WNT6: variants seen among roughly 807,000 people sequenced by gnomAD.
WNT6 encodes Wnt family member 6.
A neutral mutation model predicts 33.1 loss-of-function variants in WNT6; 27 were observed. The observed-to-expected ratio is 0.82, with a 90% CI of 0.60 to 1.12. WNT6 has a LOEUF of 1.12. Among genes scored for constraint, WNT6 ranks in the 50% most tolerant of loss-of-function variants. WNT6 has a pLI of 0.00. For missense variants in WNT6, 494 were observed against 535.3 expected (o/e 0.92, Z 0.76); for synonymous variants, 249 against 242.8 (o/e 1.03, Z -0.24).
Position 218,873,440 on chromosome 2 carries a change from C to T in WNT6, c.693C>T (p.Cys231=). The change falls in exon 4 of 4, where the codon TGC becomes TGT. Residue 231 remains cysteine, a synonymous_variant. Transcript: ENST00000233948. The surrounding 1 kb of genome is among the most constrained non-coding windows in gnomAD (Gnocchi z 6.1). The part of the protein sequence containing the change: ...ECKCHGLSGS[C]ALRTCWQKLP... ...AATGCCACGGGCTGTCGGGATCATGCGCGCTGCGCACCTGCTGGCAGAAGC... is the reference window on the plus strand; with the variant it reads ...AATGCCACGGGCTGTCGGGATCATGTGCGCTGCGCACCTGCTGGCAGAAGC... The T allele has an allele frequency of 6.5e-7, 1 of 1,538,258 alleles. No individual in the cohort carries two copies. Among genetic ancestry groups the T allele is most frequent in the Non-Finnish European group, 8.7e-7 (1 of 1,146,652 alleles).
chr2:218,863,167 G>T (rs1944323978), intron 1 of WNT6, among the ~76,000 whole-genome samples: 1 of 152,114 alleles, frequency 6.6e-6, no homozygotes, highest in Non-Finnish European at 1.5e-5. Flanking sequence ...CTGGCCTGAG[G>T]CTCTTCCAGT....
intron 1 of WNT6, 114 bp downstream of exon 1, chr2:218,860,231 C>A: frequency 9.6e-7 from 1 of 1,038,446 alleles, no homozygotes; most frequent in Non-Finnish European, 1.3e-6. Flanking sequence ...CCGAGCCCAG[C>A]TTTCTGGCCT....
chr2:218,871,006 C>T lies in WNT6; in HGVS notation c.81-21C>T, dbSNP rs752619593. The T allele has an allele frequency of 5.4e-5, 85 of 1,581,980 alleles. 1 individual carries two copies. In the South Asian group the frequency reaches 6.0e-4, roughly 11 times the overall value. On this transcript the variant is annotated intron_variant, in intron 1 of 3. Coordinates refer to ENST00000233948, the MANE Select transcript of WNT6 (RefSeq NM_006522.4). The surrounding 1 kb of genome is among the most constrained non-coding windows in gnomAD (Gnocchi z 6.4). ...CCCTTTTTTGGGTTACACCCCTGAC[C>T]TGCTATTCTCTGCTTTCCAGGGCTG...
At chr2:218,869,767 C>G (rs1944384991) in intron 1 of WNT6, among the ~76,000 whole-genome samples, 1 of 152,222 alleles carries the variant, frequency 6.6e-6, no homozygotes, top group South Asian at 2.1e-4. Context: ...TGTCAGCTCT[C>G]TCCTTGGGCA....
At chr2:218,866,979 G>T (rs979611421) in intron 1 of WNT6, among the ~76,000 whole-genome samples, 6 of 152,174 alleles carry the variant, frequency 3.9e-5, no homozygotes, top group Non-Finnish European at 8.8e-5. Flanking sequence ...TGGGGACTGG[G>T]GCCCAGGGAG....
chr2:218,871,447 C>T lies in WNT6; in HGVS notation c.302-38C>T, dbSNP rs767406775. The T allele has an allele frequency of 4.4e-6, 7 of 1,588,316 alleles. No individual in the cohort carries two copies. The highest frequency in any genetic ancestry group is 2.2e-5 in the East Asian group (1 of 44,692). On this transcript the variant is annotated intron_variant, in intron 2 of 3. Coordinates refer to ENST00000233948, the MANE Select transcript of WNT6 (RefSeq NM_006522.4). This position sits in a 1 kb window ranked among gnomAD's most constrained non-coding sequence, Gnocchi z 6.4. The stretch of plus-strand genomic sequence containing the variant: ...TCAGGTCCCAGGCCCCAGCTGACCG[C>T]CCCAGCCCGCGCTGATTGCACCTGT...
Position 218,871,865 on chromosome 2 carries a change from T to C in WNT6, c.636+46T>C, listed in dbSNP as rs1197923325. On this transcript the variant is annotated intron_variant, in intron 3 of 3. Transcript: ENST00000233948. The surrounding 1 kb of genome is among the most constrained non-coding windows in gnomAD (Gnocchi z 6.4). ...GTGAGTGTGTGCGGAAATGTGAGTG[T>C]GCGCGCAGGAGTGTGCTTGAGGAAG... 1 of 1,489,678 alleles carries C rather than the reference T, an allele frequency of 6.7e-7. No homozygotes were observed. Among genetic ancestry groups the C allele is most frequent in the South Asian group, 1.3e-5 (1 of 79,160 alleles). 92.3% of individuals were successfully genotyped at this position (1,489,678 alleles called of 1,614,324 possible). A position where few individuals can be genotyped will look rare whatever the true frequency, so the allele number is the denominator to read the frequency against.
Position 218,860,049 on chromosome 2 carries a change from C to T in WNT6, c.12C>T (p.Pro4=). 1 of 1,516,654 alleles carries T rather than the reference C, an allele frequency of 6.6e-7. No homozygotes were observed. The highest frequency in any genetic ancestry group is 8.8e-7 in the Non-Finnish European group (1 of 1,138,088). The allele number at this position is 1,516,654 out of a possible 1,614,324, so 93.9% of individuals were successfully genotyped here. The part of the protein sequence containing the change: MLP[P]LPSRLGLLLL... ...GTAGGGCGGTCACGATGCTGCCGCC[C>T]TTACCCTCCCGCCTCGGGCTGCTGC... The change falls in exon 1 of 4, where the codon CCC becomes CCT. Residue 4 remains proline (P), a synonymous_variant. Coordinates refer to ENST00000233948, the MANE Select transcript of WNT6 (RefSeq NM_006522.4).
Position 218,860,088 on chromosome 2 carries a change from G to A in WNT6, c.51G>A (p.Leu17=), listed in dbSNP as rs764432807. The A allele has an allele frequency of 4.6e-6, 7 of 1,527,370 alleles. No homozygotes were observed. The highest frequency in any genetic ancestry group is 1.7e-4 in the Middle Eastern group (1 of 5,768). The allele number at this position is 1,527,370 out of a possible 1,614,324, so 94.6% of individuals were successfully genotyped here. The change falls in exon 1 of 4, where the codon CTG becomes CTA. Residue 17 remains leucine, a synonymous_variant. Transcript: ENST00000233948. ...TCGGGCTGCTGCTGCTGCTGCTCCT[G>A]TGCCCGGCGCACGTCGGCGGACTGT... The part of the protein sequence containing the change: ...SRLGLLLLLL[L]CPAHVGGLWW...
chr2:218,869,775 G>A (rs1253150595), intron 1 of WNT6, among the ~76,000 whole-genome samples: 1 of 152,186 alleles, frequency 6.6e-6, no homozygotes, highest in Non-Finnish European at 1.5e-5. Context: ...CTCTCCTTGG[G>A]CAGAACGAAG....
intron 1 of WNT6, among the ~76,000 whole-genome samples, chr2:218,866,775 C>T (rs1306037324): frequency 6.6e-6 from 1 of 152,224 alleles, no homozygotes; most frequent in Non-Finnish European, 1.5e-5. Flanking sequence ...CAGATCCAAA[C>T]TCAAGTCTGG....
chr2:218,866,982 C>T (rs1357276241), intron 1 of WNT6, among the ~76,000 whole-genome samples: 5 of 152,100 alleles, frequency 3.3e-5, no homozygotes, highest in Admixed American at 6.5e-5. Context: ...GGACTGGGGC[C>T]CAGGGAGGCT....
At chr2:218,861,732 C>T (rs1944311601) in intron 1 of WNT6, among the ~76,000 whole-genome samples, 1 of 152,156 alleles carries the variant, frequency 6.6e-6, no homozygotes. Context: ...CCCCTCCCTC[C>T]CCCTCTGTCT....
intron 1 of WNT6, among the ~76,000 whole-genome samples, chr2:218,863,499 C>T (rs1392099599): frequency 2.0e-5 from 3 of 152,184 alleles, no homozygotes; most frequent in African/African-American, 7.2e-5. Flanking sequence ...AGAAGTTTCT[C>T]TCCCACCTTC....
chr2:218,861,210 C>T (rs955002131), intron 1 of WNT6, among the ~76,000 whole-genome samples: 1 of 152,100 alleles, frequency 6.6e-6, no homozygotes, highest in African/African-American at 2.4e-5. Context: ...CAGGGAGTGG[C>T]GGGCAGCAAT....
chr2:218,873,961 C>T lies in WNT6; in HGVS notation c.*116C>T. On this transcript the variant is annotated 3_prime_UTR_variant, in exon 4 of 4. Transcript: ENST00000233948. This position sits in a 1 kb window ranked among gnomAD's most constrained non-coding sequence, Gnocchi z 6.1. ...CGAGCCCAGCCTCTCCCTGCCAAAGCCCAACTCCCAGGGCTCTGGAAATGG... is the reference window on the plus strand; with the variant it reads ...CGAGCCCAGCCTCTCCCTGCCAAAGTCCAACTCCCAGGGCTCTGGAAATGG... 1 of 1,111,272 alleles carries T rather than the reference C, an allele frequency of 9.0e-7. No homozygotes were observed. Among genetic ancestry groups the T allele is most frequent in the South Asian group, 1.8e-5 (1 of 56,302 alleles). The allele number at this position is 1,111,272 out of a possible 1,614,324, so 68.8% of individuals were successfully genotyped here. A position where few individuals can be genotyped will look rare whatever the true frequency, so the allele number is the denominator to read the frequency against.
At position 218,873,775 on chromosome 2, in the gene WNT6, G is replaced by T. The variant is rs1284914451; in HGVS notation, c.1028G>T (p.Arg343Leu). ...CAGCTCGAAGAGAACTGCCTGTGCC[G>T]CTTCCACTGGTGCTGCGTAGTACAG... ...SVQLEENCLC[R>L]FHWCCVVQCH... Residue 343 changes from arginine (R) to leucine (L), a missense_variant, in exon 4 of 4, where the codon CGC becomes CTC. By Grantham distance (102) the Arg-to-Leu change is moderately radical (BLOSUM62 -2). Coordinates refer to ENST00000233948, the MANE Select transcript of WNT6 (RefSeq NM_006522.4). The surrounding 1 kb of genome is among the most constrained non-coding windows in gnomAD (Gnocchi z 6.1). 2 of 1,586,740 alleles carry T rather than the reference G, an allele frequency of 1.3e-6. No individual in the cohort carries two copies. The highest frequency in any genetic ancestry group is 1.1e-5 in the South Asian group (1 of 88,314).
intron 1 of WNT6, among the ~76,000 whole-genome samples, chr2:218,862,754 G>A (rs1402653796): frequency 1.3e-5 from 2 of 151,908 alleles, no homozygotes; most frequent in African/African-American, 2.4e-5. Flanking sequence ...CGCCCAGGCT[G>A]GAGTGCAGTG....
rs1193421676 is a variant in WNT6, at chr2:218,873,407, C to A, written c.660C>A (p.Thr220=). ...GRLAVRSHTR[T]ECKCHGLSGS... ...AGGCCGTGCGGAGCCACACGCGCAC[C>A]GAGTGCAAATGCCACGGGCTGTCGG... Residue 220 remains threonine, a synonymous_variant, in exon 4 of 4, where the codon ACC becomes ACA. Coordinates refer to ENST00000233948, the MANE Select transcript of WNT6 (RefSeq NM_006522.4). The surrounding 1 kb of genome is among the most constrained non-coding windows in gnomAD (Gnocchi z 6.1). The A allele has an allele frequency of 6.5e-7, 1 of 1,536,922 alleles. No homozygotes were observed. The highest frequency in any genetic ancestry group is 2.0e-5 in the Admixed American group (1 of 50,970).
Sources: gnomAD v4.1 joint callset for allele counts (sites outside exome capture counted in the v4.1 genomes callset) on GRCh38, gnomAD v4.1.1 for gene constraint, Gnocchi (gnomAD v3.1) non-coding constraint, MANE v1.5 for transcripts, NCBI Gene and HGNC (gene_info 2026-07-23, HGNC 2026-07-21) for gene names.